ZDHHC20: variants seen among roughly 807,000 people sequenced by gnomAD.
The protein encoded by ZDHHC20 is palmitoyltransferase ZDHHC20.
In ZDHHC20, 43 loss-of-function variants were observed where a neutral mutation model predicts 57.8. The ratio of observed to expected loss-of-function variants is 0.74; its 90% CI spans 0.58 to 0.96. ZDHHC20 has a LOEUF of 0.96. Ranked by LOEUF, ZDHHC20 falls within the 40% of genes least tolerant of loss-of-function variation. ZDHHC20 has a pLI of 0.00. For missense variants in ZDHHC20, 391 were observed against 441.1 expected, an observed-to-expected ratio of 0.89 and a Z score of 1.02; for synonymous variants, 157 against 153.0, an observed-to-expected ratio of 1.03 and a Z score of -0.19.
intron 2 of ZDHHC20, among the ~76,000 whole-genome samples, chr13:21,424,965 T>C (rs755216640): frequency 1.3e-5 from 2 of 152,208 alleles, no homozygotes; most frequent in Non-Finnish European, 2.9e-5. Flanking sequence ...TTGTCTCCAG[T>C]AAGAGGAATT....
intron 7 of ZDHHC20, among the ~76,000 whole-genome samples, chr13:21,397,594 G>T (rs1258161726): frequency 6.6e-6 from 1 of 152,066 alleles, no homozygotes; most frequent in Non-Finnish European, 1.5e-5. Context: ...CTGGGAGATT[G>T]AAACTGCAGT....
chr13:21,434,568 T>G (rs1220551461), intron 1 of ZDHHC20, among the ~76,000 whole-genome samples: 1 of 152,236 alleles, frequency 6.6e-6, no homozygotes, highest in Admixed American at 6.5e-5. Flanking sequence ...TGAAGCTCAT[T>G]GTCATTCTCT....
chr13:21,458,171 A>C (rs1387722479), intron 1 of ZDHHC20, among the ~76,000 whole-genome samples: 4 of 152,192 alleles, frequency 2.6e-5, no homozygotes, highest in African/African-American at 9.7e-5. Context: ...GATTAATGAC[A>C]ACCAATTTCC....
At chr13:21,442,065 G>A (rs765744685) in intron 1 of ZDHHC20, among the ~76,000 whole-genome samples, 11 of 151,860 alleles carry the variant, frequency 7.2e-5, no homozygotes, top group Admixed American at 2.0e-4. Flanking sequence ...TTTTGTTTAC[G>A]TTGTTTACGT....
chr13:21,429,249 T>C (rs1345076948), intron 1 of ZDHHC20, among the ~76,000 whole-genome samples: 1 of 152,200 alleles, frequency 6.6e-6, no homozygotes, highest in African/African-American at 2.4e-5. Context: ...CCTTAACAAG[T>C]GAGAAGCACG....
chr13:21,432,469 G>GCAGGCGCC (rs1882081750), intron 1 of ZDHHC20, among the ~76,000 whole-genome samples: 1 of 151,802 alleles, frequency 6.6e-6, no homozygotes, highest in Non-Finnish European at 1.5e-5. Flanking sequence ...AGCTGGGACT[G>GCAGGCGCC]CAGGCGCCCA....
At position 21,443,423 on chromosome 13, in the gene ZDHHC20, C is replaced by T. The variant is rs567645970; in HGVS notation, c.118+15631G>A. On this transcript the variant is annotated intron_variant, in intron 1 of 12. Transcript: ENST00000400590. ...TCTGCAGAGTCCCTTACTCTTAGTTCTGATACAGTCACCAGAGTTCACCTA... is the reference window on the plus strand; with the variant it reads ...TCTGCAGAGTCCCTTACTCTTAGTTTTGATACAGTCACCAGAGTTCACCTA... Among the ~76,000 whole-genome samples, 8 of 152,322 alleles carry T rather than the reference C, an allele frequency of 5.3e-5. 1 individual carries two copies. In the South Asian group the frequency reaches 1.7e-3, roughly 32 times the overall value.
At chr13:21,386,739 G>A (rs1249818798) in intron 9 of ZDHHC20, among the ~76,000 whole-genome samples, 60 of 152,100 alleles carry the variant, frequency 3.9e-4, no homozygotes, top group African/African-American at 9.7e-5. Context: ...AGTAGAGACC[G>A]GGTTTCACCA....
chr13:21,389,099 CA>C (rs1875158473), intron 8 of ZDHHC20, among the ~76,000 whole-genome samples: 1 of 152,112 alleles, frequency 6.6e-6, no homozygotes, highest in African/African-American at 2.4e-5. Flanking sequence ...AACTCAGAAT[CA>C]AAGGGACTAG....
Position 21,377,189 on chromosome 13 carries a change from C to T in ZDHHC20, c.*41-534G>A, listed in dbSNP as rs531238068. 3.9e-4 allele frequency: 79 copies of T among 202,242 alleles called. 2 individuals carry two copies. The South Asian group carries it at 5.6e-3, about 14-fold the overall frequency. 12.5% of individuals were successfully genotyped at this position (202,242 alleles called of 1,614,324 possible). On this transcript the variant is annotated intron_variant, in intron 12 of 12. Coordinates refer to ENST00000400590, the MANE Select transcript of ZDHHC20 (RefSeq NM_001330059.2). ...GACACAGCTCCTCTTCTGACTGCAG[C>T]GCACTCGGCCCGACGTGACCTCCAC... is the stretch of plus-strand genomic sequence containing the variant.
At chr13:21,427,762 G>A (rs1009927182) in intron 1 of ZDHHC20, among the ~76,000 whole-genome samples, 1 of 151,134 alleles carries the variant, frequency 6.6e-6, no homozygotes, top group Non-Finnish European at 1.5e-5. Context: ...TTGAACCCAG[G>A]GGGCAGAGGT....
chr13:21,419,407 G>C (rs4770152), intron 3 of ZDHHC20, among the ~76,000 whole-genome samples: 38,542 of 152,128 alleles, frequency 0.25, 5,798 homozygotes, highest in South Asian at 0.33. Context: ...ACATGCACTA[G>C]AATGTTTATA....
intron 3 of ZDHHC20, among the ~76,000 whole-genome samples, chr13:21,414,527 A>ATAT (rs1555261215): frequency 1.9e-5 from 2 of 107,498 alleles, no homozygotes; most frequent in African/African-American, 6.2e-5. Context: ...TGCCCGGATA[A>ATAT]TTTTTTTTTT....
At position 21,374,585 on chromosome 13, in the gene ZDHHC20, T is replaced by C; in HGVS notation, c.*2111A>G. The C allele has an allele frequency of 3.4e-6, 1 of 297,014 alleles. No individual in the cohort carries two copies. Among genetic ancestry groups the C allele is most frequent in the Non-Finnish European group, 7.0e-6 (1 of 142,988 alleles). 18.4% of individuals were successfully genotyped at this position (297,014 alleles called of 1,614,324 possible). A position where few individuals can be genotyped will look rare whatever the true frequency, so the allele number is the denominator to read the frequency against. On this transcript the variant is annotated 3_prime_UTR_variant, in exon 13 of 13. Transcript: ENST00000400590. ...TCTAGTTTGCTAGAATCAAGATTAC[T>C]AAGGAGTTGAAACAAAGGTAGAAGA...
chr13:21,454,196 C>T (rs530976178), intron 1 of ZDHHC20, among the ~76,000 whole-genome samples: 1 of 152,132 alleles, frequency 6.6e-6, no homozygotes, highest in Admixed American at 6.5e-5. Flanking sequence ...CGTGGTGGCA[C>T]ATGCCTATAA....
chr13:21,379,004 A>T (rs1006718841), intron 11 of ZDHHC20, among the ~76,000 whole-genome samples: 2 of 152,192 alleles, frequency 1.3e-5, no homozygotes, highest in African/African-American at 4.8e-5. Context: ...AAGTTCACAA[A>T]ATGAACTTTT....
At chr13:21,380,068 G>T (rs1873018079) in intron 11 of ZDHHC20, among the ~76,000 whole-genome samples, 1 of 151,552 alleles carries the variant, frequency 6.6e-6, no homozygotes, top group Admixed American at 6.6e-5. Flanking sequence ...GCCTGCCTCG[G>T]CCTCCCAAAG....
At chr13:21,406,616 TAA>T (rs1878484224) in intron 4 of ZDHHC20, among the ~76,000 whole-genome samples, 2 of 151,792 alleles carry the variant, frequency 1.3e-5, no homozygotes, top group Non-Finnish European at 2.9e-5. Flanking sequence ...CTCCCACTTA[TAA>T]GTGAGAACAT....
At chr13:21,452,218 TAA>T (rs1884510186) in intron 1 of ZDHHC20, among the ~76,000 whole-genome samples, 1 of 134,986 alleles carries the variant, frequency 7.4e-6, no homozygotes, top group Non-Finnish European at 1.6e-5. Context: ...GGATTAACTG[TAA>T]ATGGGCATGA....
Sources: gnomAD v4.1 joint callset for allele counts (sites outside exome capture counted in the v4.1 genomes callset) on GRCh38, gnomAD v4.1.1 for gene constraint, MANE v1.5 for transcripts, NCBI Gene and HGNC (gene_info 2026-07-23, HGNC 2026-07-21) for gene names.